Variants in UNG observed in about 807,000 individuals in gnomAD.
UNG encodes uracil-DNA glycosylase.
In UNG, 34 loss-of-function variants were observed where a neutral mutation model predicts 36.5. That is an observed-to-expected ratio of 0.93 (90% CI 0.71 to 1.24). The LOEUF is 1.24. UNG is among the 50% of genes most tolerant of loss of function. UNG has a pLI of 0.00. For synonymous variants in UNG, 172 were observed against 157.8 expected (o/e 1.09, Z -0.67); for missense variants, 391 against 397.6 (o/e 0.98, Z 0.14).
intron 3 of UNG, among the ~76,000 whole-genome samples, chr12:109,100,066 C>CA (rs924812321): frequency 1.3e-3 from 195 of 147,548 alleles, no homozygotes; most frequent in African/African-American, 3.9e-3. Context: ...TGTCTCAAAA[C>CA]AAAAAAAAAA....
intron 6 of UNG, among the ~76,000 whole-genome samples, chr12:109,108,819 A>G (rs2042238202): frequency 6.6e-6 from 1 of 151,834 alleles, no homozygotes; most frequent in Non-Finnish European, 1.5e-5. Context: ...TTTTGTAGAG[A>G]TGGGGTCTCG....
At chr12:109,109,780 A>T (rs763969893) in intron 6 of UNG, 49 bp from the exon 7 acceptor site, 340 of 1,600,700 alleles carry the variant, frequency 2.1e-4, no homozygotes, top group Non-Finnish European at 2.6e-4. Context: ...AAAAAAAAAA[A>T]ATTTAAAAAG....
At position 109,110,187 on chromosome 12, in the gene UNG, G is replaced by T. The variant is rs1301788965; in HGVS notation, c.*218G>T. 1 of 606,254 alleles carries T rather than the reference G, an allele frequency of 1.6e-6. No homozygotes were observed. The highest frequency in any genetic ancestry group is 1.9e-5 in the African/African-American group (1 of 54,050). 37.6% of individuals were successfully genotyped at this position (606,254 alleles called of 1,614,324 possible). On this transcript the variant is annotated 3_prime_UTR_variant, in exon 7 of 7. Coordinates refer to ENST00000242576, the MANE Select transcript of UNG (RefSeq NM_080911.3). ...ACCAAATGTCTTTCTCTGCAACATG[G>T]CTTCGGCCTAAAATATGCAGAAGAC...
At chr12:109,107,965 G>T (rs761437371) in intron 6 of UNG, among the ~76,000 whole-genome samples, 1 of 152,102 alleles carries the variant, frequency 6.6e-6, no homozygotes, top group South Asian at 2.1e-4. Flanking sequence ...TTCTCTTAAA[G>T]GAACTACTAA....
At chr12:109,098,010 T>A (rs549921056) in intron 1 of UNG, 199 bp downstream of exon 1, 2 of 1,278,568 alleles carry the variant, frequency 1.6e-6, no homozygotes, top group East Asian at 2.7e-5. Context: ...TGGGAACGCG[T>A]CTCGGGGCCC....
chr12:109,097,985 TA>T (rs2042144391), intron 1 of UNG, 174 bp downstream of exon 1: 54 of 1,262,102 alleles, frequency 4.3e-5, no homozygotes, highest in Non-Finnish European at 5.3e-5. Flanking sequence ...GCCGCCATGC[TA>T]AAGGGCCAGC....
In UNG at chr12:109,103,471, C is replaced by T; in HGVS notation, c.661C>T (p.His221Tyr). ...CAACGCTGTCCTCACGGTTCGTGCCCATCAAGCCAACTCTCATAAGGAGCG... is the reference window on the plus strand; with the variant it reads ...CAACGCTGTCCTCACGGTTCGTGCCTATCAAGCCAACTCTCATAAGGAGCG... ...LLNAVLTVRA[H>Y]QANSHKERGW... The change falls in exon 6 of 7, where the codon CAT becomes TAT. Residue 221 changes from histidine (H) to tyrosine (Y), a missense_variant. Coordinates refer to ENST00000242576, the MANE Select transcript of UNG (RefSeq NM_080911.3). The T allele has an allele frequency of 6.2e-7, 1 of 1,614,182 alleles. No homozygotes were observed. Among genetic ancestry groups the T allele is most frequent in the Non-Finnish European group, 8.5e-7 (1 of 1,180,038 alleles).
rs1390195003 is a variant in UNG, at chr12:109,097,756, C to CA, written c.77_78insA (p.Ala27GlyfsTer12). The CA allele has an allele frequency of 2.5e-6, 4 of 1,572,476 alleles. No individual in the cohort carries two copies. On this transcript the variant is annotated frameshift_variant, in exon 1 of 7. Transcript: ENST00000242576. LOFTEE classifies it high-confidence loss of function. Reference sequence around the variant, plus strand: ...AAGCGACACGCCCCCAGCCCCGAGCCGGCCGTCCAGGGGACCGGCGTGGCT... The same window carrying CA: ...AAGCGACACGCCCCCAGCCCCGAGCCAGGCCGTCCAGGGGACCGGCGTGGCT...
intron 1 of UNG, 194 bp downstream of exon 1, chr12:109,098,005 AC>A (rs2042144583): frequency 2.4e-6 from 3 of 1,253,058 alleles, no homozygotes; most frequent in Non-Finnish European, 3.1e-6. Context: ...GCCAATGGGA[AC>A]GCGTCTCGGG....
rs2042151342 is a variant in UNG at position 109,098,505 on chromosome 12, A to G, written c.206A>G (p.Glu69Gly). 5 of 1,612,822 alleles carry G rather than the reference A, an allele frequency of 3.1e-6. No homozygotes were observed. The East Asian group carries it at 1.1e-4, about 36-fold the overall frequency. Residue 69 changes from glutamate (E) to glycine (G), a missense_variant, in exon 2 of 7, where the codon GAG becomes GGG. Transcript: ENST00000242576. ...GTPPSSPLSA[E>G]QLDRIQRNKA... ...CCGCCCTCCTCGCCGCTGAGTGCCG[A>G]GCAGTTGGACCGGATCCAGAGGAAC...
rs1555265046 is a variant in UNG at position 109,104,055 on chromosome 12, G to GTTTTTTGGTTTTT, written c.801+451_801+452insGTTTTTTTTTTTG. 7.8e-3 allele frequency among the ~76,000 whole-genome samples: 1,162 copies of GTTTTTTGGTTTTT among 148,206 alleles called. 18 individuals carry two copies. Among genetic ancestry groups the GTTTTTTGGTTTTT allele is most frequent in the African/African-American group, 0.028 (1,075 of 39,014 alleles). On this transcript the variant is annotated intron_variant, in intron 6 of 6. Coordinates refer to ENST00000242576, the MANE Select transcript of UNG (RefSeq NM_080911.3). ...GTGATCATTATTGTTTTGTTTCTGG[G>GTTTTTTGGTTTTT]TTTTTTGTTTTTTGATGGAGTCTCG... is the stretch of plus-strand genomic sequence containing the variant.
intron 1 of UNG, 198 bp downstream of exon 1, chr12:109,098,009 G>A (rs2042144600): frequency 2.3e-6 from 3 of 1,279,340 alleles, no homozygotes; most frequent in Non-Finnish European, 3.1e-6. Flanking sequence ...ATGGGAACGC[G>A]TCTCGGGGCC....
chr12:109,106,876 C>CATAT (rs1250017403), intron 6 of UNG, among the ~76,000 whole-genome samples: 5 of 1,938 alleles, frequency 2.6e-3, no homozygotes, highest in Admixed American at 9.4e-3. Flanking sequence ...AAAAAAAAAA[C>CATAT]ATATATATAT....
intron 4 of UNG, 60 bp downstream of exon 4, chr12:109,102,059 G>A (rs1447675130): frequency 6.7e-7 from 1 of 1,493,452 alleles, no homozygotes; most frequent in Non-Finnish European, 9.3e-7. Context: ...TGTGTACTTA[G>A]CTTATTACAA....
chr12:109,107,518 CTTTTTTTTTTTTTT>C (rs34833015), intron 6 of UNG, among the ~76,000 whole-genome samples: 1 of 89,436 alleles, frequency 1.1e-5, no homozygotes, highest in Non-Finnish European at 2.1e-5. Flanking sequence ...GACTATTCCT[CTTTTTTTTTTTTTT>C]TTTTTTTTTT....
intron 6 of UNG, among the ~76,000 whole-genome samples, chr12:109,104,077 C>T (rs1321650710): frequency 1.6e-5 from 1 of 60,752 alleles, no homozygotes; most frequent in African/African-American, 1.3e-4. Context: ...TTGATGGAGT[C>T]TCGCTCTGTT....
At chr12:109,105,443 G>A (rs775680453) in intron 6 of UNG, among the ~76,000 whole-genome samples, 1 of 152,136 alleles carries the variant, frequency 6.6e-6, no homozygotes. Flanking sequence ...TCATGGTTTG[G>A]TCTGAAAGTA....
intron 3 of UNG, among the ~76,000 whole-genome samples, chr12:109,100,772 A>C (rs2042170013): frequency 6.6e-6 from 1 of 152,220 alleles, no homozygotes; most frequent in Non-Finnish European, 1.5e-5. Flanking sequence ...GTGAACACCA[A>C]GGGGAGGGAC....
rs1024277349 is a variant in UNG, at chr12:109,110,876, C to T, written c.*907C>T. The T allele has an allele frequency of 4.0e-5, 6 of 151,782 alleles. No individual in the cohort carries two copies. The highest frequency in any genetic ancestry group is 2.0e-4 in the Admixed American group (3 of 15,222). The allele number at this position is 151,782 out of a possible 1,614,324, so 9.4% of individuals were successfully genotyped here. A position where few individuals can be genotyped will look rare whatever the true frequency, so the allele number is the denominator to read the frequency against. On this transcript the variant is annotated 3_prime_UTR_variant, in exon 7 of 7. Transcript: ENST00000242576. The stretch of plus-strand genomic sequence containing the variant: ...TTTTCCCAGTCCTTTTTTTAAGAGA[C>T]GGTCTTTATTGGGTCTGCACCTCCA...
Sources: allele counts gnomAD v4.1 joint callset (sites outside exome capture counted in the v4.1 genomes callset), GRCh38; gene constraint gnomAD v4.1.1; transcripts MANE v1.5; gene names NCBI Gene and HGNC (gene_info 2026-07-23, HGNC 2026-07-21).